Variants in AUTS2 observed in about 807,000 individuals in gnomAD.
The protein encoded by AUTS2 is activator of transcription and developmental regulator AUTS2, also known as autism susceptibility gene 2 protein.
A neutral mutation model predicts 112.4 loss-of-function variants in AUTS2; 17 were observed. The observed-to-expected ratio is 0.15, with a 90% CI of 0.10 to 0.23. AUTS2 has a LOEUF of 0.23. Among genes scored for constraint, AUTS2 ranks in the 10% least tolerant of loss-of-function variants. AUTS2 has a pLI of 1.00. For synonymous variants in AUTS2, 751 were observed against 702.7 expected (o/e 1.07, Z -1.09); for missense variants, 1,510 against 1,701.6 (o/e 0.89, Z 1.98).
At chr7:69,977,210 T>C (rs747820753) in intron 2 of AUTS2, among the ~76,000 whole-genome samples, 8 of 152,212 alleles carry the variant, frequency 5.3e-5, no homozygotes, top group Non-Finnish European at 7.4e-5. Context: ...TCTTTCTCCA[T>C]TGAACGGCTT....
intron 1 of AUTS2, among the ~76,000 whole-genome samples, chr7:69,606,085 A>T (rs1020673360): frequency 2.0e-5 from 3 of 152,316 alleles, no homozygotes; most frequent in South Asian, 2.1e-4. Context: ...CCGTGAATTT[A>T]AAAAATGAAT....
chr7:70,151,840 A>G (rs12698862), intron 4 of AUTS2, among the ~76,000 whole-genome samples: 32,830 of 152,084 alleles, frequency 0.22, 3,529 homozygotes, highest in Middle Eastern at 0.33. Context: ...ATGGCATTCA[A>G]TTACGAATTA....
intron 5 of AUTS2, among the ~76,000 whole-genome samples, chr7:70,471,856 G>A (rs1361776949): frequency 6.6e-6 from 1 of 152,066 alleles, no homozygotes; most frequent in African/African-American, 2.4e-5. Context: ...AGTGCAGGCA[G>A]TGTGCACAGG....
intron 4 of AUTS2, among the ~76,000 whole-genome samples, chr7:70,377,337 T>A (rs1354611588): frequency 3.5e-5 from 2 of 57,624 alleles, no homozygotes; most frequent in Admixed American, 3.5e-4. Flanking sequence ...TATATATATA[T>A]ATATATATAT....
At chr7:70,398,969 A>T in intron 4 of AUTS2, among the ~76,000 whole-genome samples, 1 of 149,284 alleles carries the variant, frequency 6.7e-6, no homozygotes, top group Non-Finnish European at 1.5e-5. Flanking sequence ...GAAGAAAATC[A>T]TATGGTCTTT....
rs1703081732 is a variant in AUTS2 at position 70,165,101 on chromosome 7, G to A, written c.660+30530G>A. Among the ~76,000 whole-genome samples the A allele has an allele frequency of 4.6e-5, 7 of 152,242 alleles. No homozygotes were observed. In the South Asian group the frequency reaches 1.2e-3, roughly 27 times the overall value. Reference sequence around the variant, plus strand: ...AAAATTTTCTGTGGGTTTATCAACAGACTTGATACGATAGAGGAAAGAATA... The same window carrying A: ...AAAATTTTCTGTGGGTTTATCAACAAACTTGATACGATAGAGGAAAGAATA... On this transcript the variant is annotated intron_variant, in intron 4 of 18. Coordinates refer to ENST00000342771, the MANE Select transcript of AUTS2 (RefSeq NM_015570.4).
chr7:70,340,362 A>G (rs1328703435), intron 4 of AUTS2, among the ~76,000 whole-genome samples: 1 of 152,108 alleles, frequency 6.6e-6, no homozygotes, highest in Non-Finnish European at 1.5e-5. Context: ...ATTTATAACC[A>G]TTTGTTTCTG....
At chr7:70,657,088 T>C (rs1157779174) in intron 5 of AUTS2, among the ~76,000 whole-genome samples, 1 of 152,210 alleles carries the variant, frequency 6.6e-6, no homozygotes, top group African/African-American at 2.4e-5. Flanking sequence ...ATTTTTCTGA[T>C]GGCATTTTGC....
chr7:69,636,615 T>C (rs1794554532), intron 1 of AUTS2, among the ~76,000 whole-genome samples: 1 of 152,046 alleles, frequency 6.6e-6, no homozygotes, highest in Admixed American at 6.5e-5. Context: ...ATACCTTTTC[T>C]GTATATGAGG....
chr7:70,622,951 G>A (rs986720121), intron 5 of AUTS2, among the ~76,000 whole-genome samples: 2 of 152,196 alleles, frequency 1.3e-5, no homozygotes, highest in East Asian at 3.8e-4. Flanking sequence ...AAACAGAGAT[G>A]TGTTTGATTC....
Position 70,764,856 on chromosome 7 carries a change from C to A in AUTS2, c.1319C>A (p.Pro440His), listed in dbSNP as rs374318676. 8.3e-6 allele frequency: 13 copies of A among 1,560,456 alleles called. No individual in the cohort carries two copies. The highest frequency in any genetic ancestry group is 1.1e-5 in the Non-Finnish European group (13 of 1,144,340). ...PFPLSLPNHS[P>H]LHSFTPTLQP... ...CCCCTCTCCCTGCCCAACCACAGCC[C>A]CCTGCACAGCTTCACACCCACCCTC... Residue 440 changes from proline to histidine, a missense_variant, in exon 8 of 19, where the codon CCC (proline) becomes CAC (histidine). Physicochemically the swap from Pro to His is moderately conservative, Grantham distance 77. Coordinates refer to ENST00000342771, the MANE Select transcript of AUTS2 (RefSeq NM_015570.4).
At chr7:70,144,444 C>T (rs1407163122) in intron 4 of AUTS2, among the ~76,000 whole-genome samples, 4 of 152,004 alleles carry the variant, frequency 2.6e-5, no homozygotes, top group Non-Finnish European at 4.4e-5. Context: ...AGCTAGTGAA[C>T]CCAAAATGTT....
intron 5 of AUTS2, among the ~76,000 whole-genome samples, chr7:70,595,760 A>G (rs1803166357): frequency 6.6e-6 from 1 of 152,232 alleles, no homozygotes; most frequent in Non-Finnish European, 1.5e-5. Context: ...GTCAACTGGA[A>G]GACAGAGTGT....
At chr7:70,164,136 T>C (rs1401661816) in intron 4 of AUTS2, among the ~76,000 whole-genome samples, 4 of 152,316 alleles carry the variant, frequency 2.6e-5, no homozygotes, top group South Asian at 2.1e-4. Flanking sequence ...CTTTCATTTC[T>C]ATATAGATTT....
intron 4 of AUTS2, among the ~76,000 whole-genome samples, chr7:70,277,885 C>T (rs980266110): frequency 6.6e-6 from 1 of 150,864 alleles, no homozygotes; most frequent in African/African-American, 2.4e-5. Flanking sequence ...AATATGTTAC[C>T]CATTTTAGTA....
intron 5 of AUTS2, among the ~76,000 whole-genome samples, chr7:70,515,755 A>G (rs1268624925): frequency 6.6e-6 from 1 of 151,830 alleles, no homozygotes; most frequent in Non-Finnish European, 1.5e-5. Flanking sequence ...AATCATGCAC[A>G]GTATAATACA....
At chr7:70,113,064 G>C (rs1805167700) in intron 2 of AUTS2, among the ~76,000 whole-genome samples, 1 of 152,078 alleles carries the variant, frequency 6.6e-6, no homozygotes, top group Admixed American at 6.5e-5. Context: ...AGCTGTTGTA[G>C]ATGATAACAA....
At chr7:70,038,248 T>A (rs75967040) in intron 2 of AUTS2, among the ~76,000 whole-genome samples, 1 of 152,134 alleles carries the variant, frequency 6.6e-6, no homozygotes, top group Non-Finnish European at 1.5e-5. Flanking sequence ...CTGGGAACTT[T>A]CTTCATCACA....
chr7:69,690,455 C>T (rs546470720), intron 1 of AUTS2, among the ~76,000 whole-genome samples: 31 of 152,324 alleles, frequency 2.0e-4, no homozygotes, highest in East Asian at 1.4e-3. Flanking sequence ...GTTTTGCTGC[C>T]GGCCTGAATC....
Sources: allele counts gnomAD v4.1 joint callset (sites outside exome capture counted in the v4.1 genomes callset), GRCh38; gene constraint gnomAD v4.1.1; transcripts MANE v1.5; gene names NCBI Gene and HGNC (gene_info 2026-07-23, HGNC 2026-07-21).